The following FRMD5 variants were observed in gnomAD, a reference collection of about 807,000 sequenced individuals.
FRMD5 encodes the protein FERM domain-containing protein 5.
A neutral mutation model predicts 69.0 loss-of-function variants in FRMD5; 20 were observed. The observed-to-expected ratio is 0.29, with a 90% CI of 0.20 to 0.42. The LOEUF is 0.42. Ranked by LOEUF, FRMD5 falls within the 10% of genes least tolerant of loss-of-function variation. FRMD5 has a pLI of 1.00. For synonymous variants in FRMD5, 271 were observed against 260.1 expected (o/e 1.04, Z -0.40); for missense variants, 595 against 708.6 (o/e 0.84, Z 1.82).
chr15:43,929,029 A>G (rs2089632220), intron 1 of FRMD5, among the ~76,000 whole-genome samples: 1 of 152,236 alleles, frequency 6.6e-6, no homozygotes, highest in Non-Finnish European at 1.5e-5. Flanking sequence ...GTGCCTATAC[A>G]TATTTGAAAA....
chr15:44,117,759 G>C (rs2076889910), intron 1 of FRMD5, among the ~76,000 whole-genome samples: 1 of 152,182 alleles, frequency 6.6e-6, no homozygotes, highest in Admixed American at 6.5e-5. Context: ...TGAAGGGAAA[G>C]TGATATAAAT....
Position 44,002,478 on chromosome 15 carries a change from G to A in FRMD5, c.103-78169C>T, listed in dbSNP as rs991053132. On this transcript the variant is annotated intron_variant, in intron 1 of 13. Coordinates refer to ENST00000417257, the MANE Select transcript of FRMD5 (RefSeq NM_032892.5). Reference sequence around the variant, plus strand: ...TTGTGAAAGGAAAGGGCTTTACTCAGCTGTGAGCATCGGCGGACTCACATC... The same window carrying A: ...TTGTGAAAGGAAAGGGCTTTACTCAACTGTGAGCATCGGCGGACTCACATC... 2.0e-5 allele frequency among the ~76,000 whole-genome samples: 3 copies of A among 152,252 alleles called. No individual in the cohort carries two copies. The South Asian group carries it at 6.2e-4, about 32-fold the overall frequency.
intron 1 of FRMD5, among the ~76,000 whole-genome samples, chr15:43,988,581 A>G (rs1889513323): frequency 6.6e-6 from 1 of 152,128 alleles, no homozygotes; most frequent in African/African-American, 2.4e-5. Context: ...GCCTTCATAC[A>G]TCTCAAGTTG....
At chr15:44,128,967 G>A (rs1185543924) in intron 1 of FRMD5, among the ~76,000 whole-genome samples, 1 of 152,142 alleles carries the variant, frequency 6.6e-6, no homozygotes, top group African/African-American at 2.4e-5. Context: ...ACAGCAGCTA[G>A]GAGTACAACA....
intron 4 of FRMD5, among the ~76,000 whole-genome samples, chr15:43,911,976 C>T (rs1486625873): frequency 6.6e-6 from 1 of 152,174 alleles, no homozygotes; most frequent in Non-Finnish European, 1.5e-5. Context: ...GCAACCAAGC[C>T]ATCTTCTCTC....
chr15:44,100,147 G>T (rs1382647005), intron 1 of FRMD5, among the ~76,000 whole-genome samples: 1 of 150,486 alleles, frequency 6.6e-6, no homozygotes, highest in Middle Eastern at 3.2e-3. Context: ...TCCACCTCCC[G>T]GGTTCAAGTG....
chr15:43,910,405 G>C (rs1350728647), intron 4 of FRMD5, among the ~76,000 whole-genome samples: 2 of 151,992 alleles, frequency 1.3e-5, no homozygotes, highest in African/African-American at 4.8e-5. Context: ...GAAGGAACTA[G>C]CCCAGGAAGA....
chr15:43,944,442 C>T (rs546444294), intron 1 of FRMD5, among the ~76,000 whole-genome samples: 79 of 152,308 alleles, frequency 5.2e-4, no homozygotes, highest in African/African-American at 6.3e-4. Flanking sequence ...GTTTTTGAGA[C>T]GGAGTTTTCA....
rs1382125008 is a variant in FRMD5 at position 43,873,103 on chromosome 15, A to C, written c.*782T>G. ...TTCTTCGGAAAAAAAAAATCACGTT[A>C]AGTCTAGTTTCATTATACAAAACTA... On this transcript the variant is annotated 3_prime_UTR_variant, in exon 14 of 14. Coordinates refer to ENST00000417257, the MANE Select transcript of FRMD5 (RefSeq NM_032892.5). 3.6e-6 allele frequency: 5 copies of C among 1,389,318 alleles called. No homozygotes were observed. Among genetic ancestry groups the C allele is most frequent in the Non-Finnish European group, 4.9e-6 (5 of 1,014,886 alleles). The allele number at this position is 1,389,318 out of a possible 1,614,324, so 86.1% of individuals were successfully genotyped here.
Position 43,888,824 on chromosome 15 carries a change from G to A in FRMD5, c.777C>T (p.Tyr259=), listed in dbSNP as rs769584789. 1.4e-5 allele frequency: 23 copies of A among 1,613,446 alleles called. No homozygotes were observed. The highest frequency in any genetic ancestry group is 2.2e-5 in the South Asian group (2 of 91,076). The change falls in exon 9 of 14, where the codon TAC becomes TAT. Residue 259 remains tyrosine (Y), a synonymous_variant. Coordinates refer to ENST00000417257, the MANE Select transcript of FRMD5 (RefSeq NM_032892.5). ...LKFEGKTFYL[Y]VSQKEEKKII... ...CAGCACTCACCTCTTTCTGACTTAC[G>A]TATAAATAGAAAGTCTTTCCTTCAA...
chr15:44,076,163 A>G (rs919838873), intron 1 of FRMD5, among the ~76,000 whole-genome samples: 1 of 152,134 alleles, frequency 6.6e-6, no homozygotes, highest in Non-Finnish European at 1.5e-5. Context: ...TAACACTTTT[A>G]CACTGTTGGT....
chr15:43,941,039 T>C lies in FRMD5; in HGVS notation c.103-16730A>G, dbSNP rs148607024. On this transcript the variant is annotated intron_variant, in intron 1 of 13. Transcript: ENST00000417257. ...TTTGTTAGAATACATTATCTTCTTGTAGGTACCAAGGTTGAAGTCAATTAT... is the reference window on the plus strand; with the variant it reads ...TTTGTTAGAATACATTATCTTCTTGCAGGTACCAAGGTTGAAGTCAATTAT... 2.1e-3 allele frequency among the ~76,000 whole-genome samples: 325 copies of C among 152,300 alleles called. 1 individual carries two copies. The highest frequency in any genetic ancestry group is 7.3e-3 in the African/African-American group (304 of 41,550).
At chr15:44,060,928 T>C (rs767412164) in intron 1 of FRMD5, among the ~76,000 whole-genome samples, 8 of 152,174 alleles carry the variant, frequency 5.3e-5, no homozygotes, top group Non-Finnish European at 1.0e-4. Context: ...GAGGAAACTG[T>C]TTCTTATTTG....
intron 1 of FRMD5, among the ~76,000 whole-genome samples, chr15:44,112,641 T>A (rs528703247): frequency 1.3e-5 from 2 of 152,168 alleles, no homozygotes; most frequent in East Asian, 3.9e-4. Context: ...TAATTTTTTG[T>A]ATTTTTGTAG....
At chr15:44,073,389 A>T (rs143411002) in intron 1 of FRMD5, among the ~76,000 whole-genome samples, 1 of 152,162 alleles carries the variant, frequency 6.6e-6, no homozygotes, top group Non-Finnish European at 1.5e-5. Context: ...GCATATAATT[A>T]TTGTCCATAA....
At chr15:44,198,940 C>T (rs763705841), upstream of FRMD5, among the ~76,000 whole-genome samples, 13 of 152,124 alleles carry the variant, frequency 8.5e-5, no homozygotes, top group Non-Finnish European at 1.6e-4. Flanking sequence ...GAATATCAGC[C>T]GTCTTTTGAA....
intron 1 of FRMD5, among the ~76,000 whole-genome samples, chr15:44,065,999 C>T (rs1228369771): frequency 1.3e-5 from 2 of 152,068 alleles, no homozygotes; most frequent in African/African-American, 4.8e-5. Flanking sequence ...ATATGCTATG[C>T]ACTGATTGTT....
At chr15:44,112,616 G>A (rs559604907) in intron 1 of FRMD5, among the ~76,000 whole-genome samples, 37 of 152,004 alleles carry the variant, frequency 2.4e-4, no homozygotes, top group Admixed American at 2.0e-3. Context: ...ACAGGCGCCC[G>A]CCACCATGCC....
chr15:44,152,684 T>C (rs2077465914), intron 1 of FRMD5, among the ~76,000 whole-genome samples: 1 of 152,166 alleles, frequency 6.6e-6, no homozygotes. Flanking sequence ...GCACATCAAT[T>C]TTTACTTGCA....
Sources: allele counts gnomAD v4.1 joint callset (sites outside exome capture counted in the v4.1 genomes callset), GRCh38; gene constraint gnomAD v4.1.1; transcripts MANE v1.5; gene names NCBI Gene and HGNC (gene_info 2026-07-23, HGNC 2026-07-21).